The following DIAPH3 variants were observed in gnomAD, a reference collection of about 807,000 sequenced individuals.
The protein encoded by DIAPH3 is diaphanous related formin 3.
A neutral mutation model predicts 144.3 loss-of-function variants in DIAPH3; 117 were observed. The observed-to-expected ratio is 0.81, with a 90% confidence interval of 0.70 to 0.95. The LOEUF is 0.95. Among genes scored for constraint, DIAPH3 ranks in the 40% least tolerant of loss-of-function variants. The pLI, the probability that DIAPH3 is intolerant of heterozygous loss-of-function variation, is 0.00. For missense variants in DIAPH3, 1,421 were observed against 1,412.7 expected, an observed-to-expected ratio of 1.01 and a Z score of -0.09; for synonymous variants, 519 against 488.9, an observed-to-expected ratio of 1.06 and a Z score of -0.81.
intron 27 of DIAPH3, among the ~76,000 whole-genome samples, chr13:59,679,972 G>A (rs2032854948): frequency 6.6e-6 from 1 of 151,912 alleles, no homozygotes. Context: ...TCAATCTGGG[G>A]CATCATAGTA....
At chr13:59,768,594 T>G (rs1593799616) in intron 27 of DIAPH3, among the ~76,000 whole-genome samples, 2 of 151,942 alleles carry the variant, frequency 1.3e-5, no homozygotes, top group African/African-American at 4.8e-5. Flanking sequence ...GGGGGAGGGG[T>G]GGCTATATAT....
intron 2 of DIAPH3, among the ~76,000 whole-genome samples, chr13:60,119,474 G>A (rs567696896): frequency 1.7e-4 from 26 of 152,208 alleles, no homozygotes; most frequent in African/African-American, 5.1e-4. Context: ...TTGGCCGGGC[G>A]CGGTGGCTCA....
At chr13:59,715,176 C>T (rs2034986625) in intron 27 of DIAPH3, among the ~76,000 whole-genome samples, 1 of 152,112 alleles carries the variant, frequency 6.6e-6, no homozygotes, top group Non-Finnish European at 1.5e-5. Context: ...CATCTATTAT[C>T]TTGATGGTAA....
intron 18 of DIAPH3, among the ~76,000 whole-genome samples, chr13:59,920,350 A>T (rs2047446526): frequency 6.6e-6 from 1 of 151,902 alleles, no homozygotes; most frequent in Non-Finnish European, 1.5e-5. Flanking sequence ...GTAAAGATAG[A>T]AAAAGATATG....
At chr13:59,847,935 A>G (rs1003089955) in intron 22 of DIAPH3, among the ~76,000 whole-genome samples, 1 of 152,202 alleles carries the variant, frequency 6.6e-6, no homozygotes, top group African/African-American at 2.4e-5. Context: ...TTTTCCAATT[A>G]GAATTTATCT....
intron 27 of DIAPH3, among the ~76,000 whole-genome samples, chr13:59,760,786 C>T (rs1323317058): frequency 2.6e-5 from 4 of 152,014 alleles, no homozygotes; most frequent in Non-Finnish European, 5.9e-5. Context: ...GAGTGATGCG[C>T]TATTGTTTTC....
chr13:59,783,786 G>C (rs2038881424), intron 25 of DIAPH3, among the ~76,000 whole-genome samples: 1 of 152,118 alleles, frequency 6.6e-6, no homozygotes, highest in Admixed American at 6.5e-5. Context: ...TGCTCAGTAG[G>C]GTGCCTGGCT....
At chr13:60,115,376 G>T (rs988010748) in intron 2 of DIAPH3, among the ~76,000 whole-genome samples, 6 of 152,154 alleles carry the variant, frequency 3.9e-5, no homozygotes, top group African/African-American at 1.4e-4. Context: ...CTCAAGAACT[G>T]CAAGAGATCA....
chr13:59,717,837 C>T (rs1420152766), intron 27 of DIAPH3, among the ~76,000 whole-genome samples: 1 of 151,366 alleles, frequency 6.6e-6, no homozygotes, highest in Non-Finnish European at 1.5e-5. Context: ...CCAAACCAAA[C>T]CAAAACCAAA....
At chr13:59,740,926 A>T (rs529803563) in intron 27 of DIAPH3, among the ~76,000 whole-genome samples, 1 of 152,356 alleles carries the variant, frequency 6.6e-6, no homozygotes, top group East Asian at 1.9e-4. Context: ...CAGCTCAAGG[A>T]ATCTATGCCC....
chr13:59,848,357 G>A (rs965086701), intron 22 of DIAPH3, among the ~76,000 whole-genome samples: 3 of 138,562 alleles, frequency 2.2e-5, no homozygotes, highest in South Asian at 2.3e-4. Flanking sequence ...GGGTACATGT[G>A]CACATTGTGC....
intron 27 of DIAPH3, among the ~76,000 whole-genome samples, chr13:59,691,536 A>T (rs1186011656): frequency 1.3e-5 from 2 of 152,186 alleles, no homozygotes; most frequent in Non-Finnish European, 2.9e-5. Flanking sequence ...GCAAAATTAT[A>T]ATCTTTTTGA....
chr13:59,867,525 A>G (rs1295874989), intron 21 of DIAPH3, among the ~76,000 whole-genome samples: 1 of 152,162 alleles, frequency 6.6e-6, no homozygotes, highest in Admixed American at 6.6e-5. Context: ...ATGAAAATTA[A>G]AACATTAAGT....
intron 27 of DIAPH3, among the ~76,000 whole-genome samples, chr13:59,693,781 A>G (rs966510288): frequency 5.3e-5 from 8 of 152,180 alleles, no homozygotes; most frequent in African/African-American, 1.9e-4. Flanking sequence ...TGAAGCTTTA[A>G]TTTATATAGG....
intron 25 of DIAPH3, among the ~76,000 whole-genome samples, chr13:59,788,000 A>C (rs1037218998): frequency 2.0e-5 from 3 of 152,210 alleles, no homozygotes; most frequent in African/African-American, 7.2e-5. Context: ...TCCAGCCTCC[A>C]TAACTGTGAT....
intron 27 of DIAPH3, among the ~76,000 whole-genome samples, chr13:59,708,307 T>C (rs2034542479): frequency 6.6e-6 from 1 of 152,156 alleles, no homozygotes; most frequent in Non-Finnish European, 1.5e-5. Context: ...TCATCCTCTC[T>C]TTCCTTTTAT....
chr13:59,828,643 A>AG lies in DIAPH3; in HGVS notation c.3027+4463_3027+4464insC, dbSNP rs908423210. On this transcript the variant is annotated intron_variant, in intron 24 of 27. Coordinates refer to ENST00000400324, the MANE Select transcript of DIAPH3 (RefSeq NM_001042517.2). The stretch of plus-strand genomic sequence containing the variant: ...ACATTCTGGACCTCAAAAAAAAAAA[A>AG]AAAACACTGAAAGACGAGGTGGGAC... Among the ~76,000 whole-genome samples, 4 of 151,030 alleles carry AG rather than the reference A, an allele frequency of 2.6e-5. No homozygotes were observed. In the Admixed American group the frequency reaches 2.7e-4, roughly 10 times the overall value.
intron 20 of DIAPH3, among the ~76,000 whole-genome samples, chr13:59,907,848 T>A (rs1053529740): frequency 9.2e-5 from 14 of 152,194 alleles, no homozygotes; most frequent in African/African-American, 2.9e-4. Flanking sequence ...AGAGGTAATA[T>A]CAGCATTAAA....
chr13:59,918,847 C>T (rs1006497392), intron 18 of DIAPH3, among the ~76,000 whole-genome samples: 1 of 150,976 alleles, frequency 6.6e-6, no homozygotes, highest in Non-Finnish European at 1.5e-5. Flanking sequence ...ACAAAATCAG[C>T]TGCCAGTGAT....
Sources: allele counts gnomAD v4.1 joint callset (sites outside exome capture counted in the v4.1 genomes callset), GRCh38; gene constraint gnomAD v4.1.1; transcripts MANE v1.5; gene names NCBI Gene and HGNC (gene_info 2026-07-23, HGNC 2026-07-21).